The following SMIM13 variants were observed in gnomAD, a reference collection of about 807,000 sequenced individuals.
The protein encoded by SMIM13 is UPF0766 protein C6orf228.
In SMIM13, 3 loss-of-function variants were observed where a neutral mutation model predicts 5.9. The observed-to-expected ratio is 0.51, with a 90% CI of 0.23 to 1.31. The LOEUF is 1.31. Ranked by LOEUF, SMIM13 falls within the 40% of genes most tolerant of loss-of-function variation. The pLI is 0.18. For missense variants in SMIM13, 85 were observed against 109.9 expected (o/e 0.77, Z 1.01); for synonymous variants, 55 against 46.0 (o/e 1.19, Z -0.79).
chr6:11,104,926 C>A, intron 1 of SMIM13: 1 of 1,614,134 alleles, frequency 6.2e-7, no homozygotes, highest in Non-Finnish European at 8.5e-7. Context: ...TTCCTTTTGG[C>A]CATAACACAA....
chr6:11,121,923 C>T (rs562925901), intron 1 of SMIM13, among the ~76,000 whole-genome samples: 10 of 152,014 alleles, frequency 6.6e-5, no homozygotes, highest in African/African-American at 1.5e-4. Context: ...ATACCTACAC[C>T]GTCTCACTAG....
intron 1 of SMIM13, among the ~76,000 whole-genome samples, chr6:11,114,643 G>T (rs1297943007): frequency 1.5e-5 from 2 of 130,118 alleles, no homozygotes; most frequent in Non-Finnish European, 3.1e-5. Context: ...CTGTCGCCCA[G>T]GCTGGAATGT....
chr6:11,106,494 C>G (rs1194301483), intron 1 of SMIM13, among the ~76,000 whole-genome samples: 1 of 152,250 alleles, frequency 6.6e-6, no homozygotes, highest in Non-Finnish European at 1.5e-5. Context: ...CTTAGACTGT[C>G]TCTTCTAAAG....
In SMIM13 at chr6:11,116,466, T is replaced by G. The variant is rs547049100; in HGVS notation, c.77-17937T>G. On this transcript the variant is annotated intron_variant, in intron 1 of 1. Coordinates refer to ENST00000416247, the MANE Select transcript of SMIM13 (RefSeq NM_001135575.2). ...TTGACATAATTTCTTTGTAAATGTT[T>G]GGTAGAATTCATCTGGGCTGGGACT... Among the ~76,000 whole-genome samples, 52 of 152,360 alleles carry G rather than the reference T, an allele frequency of 3.4e-4. 1 individual carries two copies. Among genetic ancestry groups the G allele is most frequent in the African/African-American group, 1.2e-3 (51 of 41,580 alleles).
chr6:11,103,744 T>G, intron 1 of SMIM13: 8 of 1,551,674 alleles, frequency 5.2e-6, no homozygotes, highest in Non-Finnish European at 7.0e-6. Context: ...GCACTGAGAT[T>G]CGTCTGGAGC....
In SMIM13 at chr6:11,105,228, G is replaced by A. The variant is rs773581146; in HGVS notation, c.76+10839G>A. On this transcript the variant is annotated intron_variant, in intron 1 of 1. Transcript: ENST00000416247. ...TCCTGTACTTTGGAGCAGTTGCTGA[G>A]CTTTTTCCAATAACGGGAAATCAGG... 4 of 1,614,210 alleles carry A rather than the reference G, an allele frequency of 2.5e-6. No individual in the cohort carries two copies. The South Asian group carries it at 3.3e-5, about 13-fold the overall frequency.
chr6:11,134,163 GTAGA>G (rs1221422197), intron 1 of SMIM13, among the ~76,000 whole-genome samples: 2 of 152,084 alleles, frequency 1.3e-5, no homozygotes, highest in Non-Finnish European at 2.9e-5. Flanking sequence ...TGATTTTACT[GTAGA>G]TAGACTCAGC....
chr6:11,121,314 G>A (rs1758306205), intron 1 of SMIM13, among the ~76,000 whole-genome samples: 1 of 152,202 alleles, frequency 6.6e-6, no homozygotes, highest in Non-Finnish European at 1.5e-5. Context: ...TAGAATAAGA[G>A]TTAAGAAGTT....
At chr6:11,132,200 T>C (rs1758457982) in intron 1 of SMIM13, among the ~76,000 whole-genome samples, 3 of 152,134 alleles carry the variant, frequency 2.0e-5, no homozygotes, top group Admixed American at 2.0e-4. Flanking sequence ...ATGAGGGAAA[T>C]GCAAATCAAA....
At chr6:11,130,019 G>A (rs1328407375) in intron 1 of SMIM13, among the ~76,000 whole-genome samples, 1 of 152,054 alleles carries the variant, frequency 6.6e-6, no homozygotes, top group African/African-American at 2.4e-5. Flanking sequence ...TAAACAGCCT[G>A]TGGTAGAAGT....
In SMIM13 at chr6:11,103,595, C is replaced by G. The variant is rs1047382228; in HGVS notation, c.76+9206C>G. 8 of 1,452,106 alleles carry G rather than the reference C, an allele frequency of 5.5e-6. No individual in the cohort carries two copies. The African/African-American group carries it at 1.0e-4, about 18-fold the overall frequency. The allele number at this position is 1,452,106 out of a possible 1,614,324, so 90.0% of individuals were successfully genotyped here. ...TGCTAGCTGTCAGGGCAGGATGGCT[C>G]TGTGGATTGGCAAAAACCATATCCA... On this transcript the variant is annotated intron_variant, in intron 1 of 1. Transcript: ENST00000416247.
intron 1 of SMIM13, among the ~76,000 whole-genome samples, chr6:11,098,971 G>C (rs151022702): frequency 0.016 from 2,509 of 152,194 alleles, 63 homozygotes; most frequent in African/African-American, 0.058. Flanking sequence ...TTATGGACTA[G>C]TACTTGCCTA....
At chr6:11,094,414 G>T in intron 1 of SMIM13, 25 bp downstream of exon 1, 1 of 1,525,572 alleles carries the variant, frequency 6.6e-7, no homozygotes. Flanking sequence ...TAGCCGCGAG[G>T]CAGTTCCACA....
intron 1 of SMIM13, among the ~76,000 whole-genome samples, chr6:11,128,193 C>A (rs534270036): frequency 6.6e-6 from 1 of 152,042 alleles, no homozygotes. Context: ...TTGGCTACCA[C>A]TGTTGACTAT....
chr6:11,119,272 C>G (rs1758281490), intron 1 of SMIM13, among the ~76,000 whole-genome samples: 1 of 152,194 alleles, frequency 6.6e-6, no homozygotes, highest in Non-Finnish European at 1.5e-5. Context: ...TTCTCTCTCT[C>G]ACTCACTCAC....
At chr6:11,129,772 T>A (rs1758427944) in intron 1 of SMIM13, among the ~76,000 whole-genome samples, 1 of 152,242 alleles carries the variant, frequency 6.6e-6, no homozygotes, top group Non-Finnish European at 1.5e-5. Context: ...TGCCTCCTAG[T>A]TGTTATTATT....
At chr6:11,123,327 T>G (rs115243166) in intron 1 of SMIM13, among the ~76,000 whole-genome samples, 4,049 of 152,302 alleles carry the variant, frequency 0.027, 93 homozygotes, top group Non-Finnish European at 0.037. Flanking sequence ...GTAAGGGCGC[T>G]TCCTCCCGTG....
At chr6:11,128,380 A>G (rs1044871325) in intron 1 of SMIM13, among the ~76,000 whole-genome samples, 2 of 152,182 alleles carry the variant, frequency 1.3e-5, no homozygotes, top group Non-Finnish European at 2.9e-5. Context: ...AGTATGGCTA[A>G]GCTGATACCC....
intron 1 of SMIM13, among the ~76,000 whole-genome samples, chr6:11,123,670 GTTA>G (rs1758339374): frequency 6.6e-6 from 1 of 152,122 alleles, no homozygotes; most frequent in African/African-American, 2.4e-5. Flanking sequence ...AAAGTTAGCT[GTTA>G]TTATTTTTAT....
Sources: gnomAD v4.1 joint callset for allele counts (sites outside exome capture counted in the v4.1 genomes callset) on GRCh38, gnomAD v4.1.1 for gene constraint, MANE v1.5 for transcripts, NCBI Gene and HGNC (gene_info 2026-07-23, HGNC 2026-07-21) for gene names.